SBNO2: variants seen among roughly 807,000 people sequenced by gnomAD.
SBNO2 encodes the protein strawberry notch homolog 2, also known as protein strawberry notch homolog 2.
SBNO2 carries 89 observed loss-of-function variants against 146.3 expected under a neutral mutation model. That is an observed-to-expected ratio of 0.61 (90% confidence interval 0.51 to 0.73). The LOEUF is 0.73. Among genes scored for constraint, SBNO2 ranks in the 30% least tolerant of loss-of-function variants. The pLI is 0.00. For synonymous variants in SBNO2, 1,147 were observed against 892.6 expected (o/e 1.29, Z -5.08); for missense variants, 2,092 against 2,003.7 (o/e 1.04, Z -0.84).
chr19:1,160,113 T>C (rs1436312183), intron 1 of SBNO2, among the ~76,000 whole-genome samples: 2 of 152,142 alleles, frequency 1.3e-5, no homozygotes, highest in Admixed American at 6.5e-5. Context: ...TGGCTGTGGG[T>C]GCTGGTGGGC....
rs568302834 is a variant in SBNO2, at chr19:1,160,812, G to C, written c.-126-6410C>G. Among the ~76,000 whole-genome samples the C allele has an allele frequency of 5.3e-5, 8 of 152,244 alleles. No individual in the cohort carries two copies. The South Asian group carries it at 1.7e-3, about 32-fold the overall frequency. On this transcript the variant is annotated intron_variant, in intron 1 of 31. Transcript: ENST00000361757. ...CCCAAAGTGCTGGAATTACAGGCGTGAGCCACCAGGCCCGGCCCGAATGGA... is the reference window on the plus strand; with the variant it reads ...CCCAAAGTGCTGGAATTACAGGCGTCAGCCACCAGGCCCGGCCCGAATGGA...
At chr19:1,131,477 C>T (rs987154336) in intron 4 of SBNO2, among the ~76,000 whole-genome samples, 9 of 152,172 alleles carry the variant, frequency 5.9e-5, no homozygotes, top group Admixed American at 5.2e-4. Context: ...GCAGACACAG[C>T]TCCTCCTGCC....
chr19:1,109,080 C>T lies in SBNO2; in HGVS notation c.3425+55G>A, dbSNP rs1217729213. The T allele has an allele frequency of 2.0e-6, 3 of 1,538,126 alleles. No homozygotes were observed. Among genetic ancestry groups the T allele is most frequent in the African/African-American group, 1.4e-5 (1 of 72,754 alleles). ...TCAGGGTCTCGGGAGCCCCCGATCCCCGCCTGGGTCGCCGCCATCTGCCGG... is the reference window on the plus strand; with the variant it reads ...TCAGGGTCTCGGGAGCCCCCGATCCTCGCCTGGGTCGCCGCCATCTGCCGG... On this transcript the variant is annotated intron_variant, in intron 30 of 31. Coordinates refer to ENST00000361757, the MANE Select transcript of SBNO2 (RefSeq NM_014963.3). The surrounding 1 kb of genome is among the most constrained non-coding windows in gnomAD (Gnocchi z 4.2).
chr19:1,147,439 GGGGGA>G lies in SBNO2; in HGVS notation c.168-24_168-20del. 2.4e-6 allele frequency: 3 copies of G among 1,265,252 alleles called. No homozygotes were observed. Among genetic ancestry groups the G allele is most frequent in the Non-Finnish European group, 3.3e-6 (3 of 922,468 alleles). The allele number at this position is 1,265,252 out of a possible 1,614,324, so 78.4% of individuals were successfully genotyped here. ...GAACGGGCTGGAGGGAGATGGGGGGGGGGGAGGTGAGATGGGGTGCTCAACCCACT... is the reference window on the plus strand; with the variant it reads ...GAACGGGCTGGAGGGAGATGGGGGGGGGTGAGATGGGGTGCTCAACCCACT... On this transcript the variant is annotated intron_variant, in intron 3 of 31. Coordinates refer to ENST00000361757, the MANE Select transcript of SBNO2 (RefSeq NM_014963.3).
rs751149593 is a variant in SBNO2 at position 1,109,343 on chromosome 19, G to A, written c.3297C>T (p.Gly1099=). The A allele has an allele frequency of 4.0e-5, 64 of 1,593,806 alleles. No individual in the cohort carries two copies. Among genetic ancestry groups the A allele is most frequent in the Admixed American group, 2.8e-4 (16 of 57,546 alleles). The change falls in exon 29 of 32, where the codon GGC becomes GGT. Residue 1099 remains glycine (G), a synonymous_variant. Transcript: ENST00000361757. The surrounding 1 kb of genome is among the most constrained non-coding windows in gnomAD (Gnocchi z 4.2). ...QFFTVYKPNI[G]RQSQLEALDS... ...CCAGGGCCTCCAGCTGGCTCTGCCG[G>A]CCGATGTTGGGCTTGTACACCGTGA...
chr19:1,116,823 A>G lies in SBNO2; in HGVS notation c.1802+6T>C, dbSNP rs1489508707. 1 of 1,583,152 alleles carries G rather than the reference A, an allele frequency of 6.3e-7. No individual in the cohort carries two copies. Among genetic ancestry groups the G allele is most frequent in the African/African-American group, 1.3e-5 (1 of 74,384 alleles). On this transcript the variant is annotated splice_donor_region_variant and intron_variant, in intron 16 of 31. Transcript: ENST00000361757. ...CCCACAGTCCTGTCCCCACCGTGAC[A>G]CTTACTCAGCGGCCGAGACGAAGCA...
rs1196380234 is a variant in SBNO2, at chr19:1,122,556, A to G, written c.917T>C (p.Phe306Ser). The change falls in exon 10 of 32, where the codon TTC (phenylalanine) becomes TCC (serine). Residue 306 changes from phenylalanine to serine, a missense_variant and splice_region_variant. Phe to Ser is a radical substitution (Grantham distance 155). Transcript: ENST00000361757. ...HLRGRKKALW[F>S]SVSNDLKYDA... ...GTACTTGAGGTCGTTGGAGACGCTG[A>G]ACCTGCGGGGTGGGGGCGTCAGGCG... 1 of 1,538,854 alleles carries G rather than the reference A, an allele frequency of 6.5e-7. No individual in the cohort carries two copies. The highest frequency in any genetic ancestry group is 8.8e-7 in the Non-Finnish European group (1 of 1,142,776).
intron 4 of SBNO2, among the ~76,000 whole-genome samples, chr19:1,130,389 G>A (rs1310153966): frequency 1.3e-5 from 2 of 152,184 alleles, no homozygotes; most frequent in Admixed American, 6.5e-5. Flanking sequence ...CTACTCAGGA[G>A]GCTGAGGCAG....
chr19:1,160,085 G>C (rs1389353590), intron 1 of SBNO2, among the ~76,000 whole-genome samples: 1 of 152,136 alleles, frequency 6.6e-6, no homozygotes, highest in Non-Finnish European at 1.5e-5. Flanking sequence ...TTCCACCCCA[G>C]GGGCAGCACC....
At position 1,149,396 on chromosome 19, in the gene SBNO2, G is replaced by A. The variant is rs1440202218; in HGVS notation, c.140C>T (p.Pro47Leu). Reference sequence around the variant, plus strand: ...GCTGTCGCTGGAGAAGGCAGGGTATGGCGGCAGCGAGAAGGTGTTCCAGTA... The same window carrying A: ...GCTGTCGCTGGAGAAGGCAGGGTATAGCGGCAGCGAGAAGGTGTTCCAGTA... ...CPYWNTFSLP[P>L]YPAFSSDSRP... The change falls in exon 3 of 32, where the codon CCA becomes CTA. Residue 47 changes from proline (P) to leucine (L), a missense_variant. Coordinates refer to ENST00000361757, the MANE Select transcript of SBNO2 (RefSeq NM_014963.3). The A allele has an allele frequency of 7.1e-6, 11 of 1,552,414 alleles. No individual in the cohort carries two copies. Among genetic ancestry groups the A allele is most frequent in the African/African-American group, 1.4e-5 (1 of 73,174 alleles).
At chr19:1,159,456 G>T (rs1227183227) in intron 1 of SBNO2, among the ~76,000 whole-genome samples, 1 of 131,228 alleles carries the variant, frequency 7.6e-6, no homozygotes, top group Non-Finnish European at 1.6e-5. Flanking sequence ...GTAGCAAGAG[G>T]GGGTAGCAAG....
At chr19:1,118,017 A>G (rs2079853887) in intron 14 of SBNO2, among the ~76,000 whole-genome samples, 1 of 152,182 alleles carries the variant, frequency 6.6e-6, no homozygotes, top group Admixed American at 6.5e-5. Flanking sequence ...GGGTTACGGG[A>G]GATGCTGGTT....
intron 4 of SBNO2, among the ~76,000 whole-genome samples, chr19:1,128,968 C>CAA (rs55815908): frequency 3.6e-5 from 5 of 140,154 alleles, no homozygotes; most frequent in Non-Finnish European, 3.1e-5. Context: ...GACTCTGTCT[C>CAA]AAAAAAAAAA....
In SBNO2 at chr19:1,109,432, G is replaced by C. The variant is rs1485506170; in HGVS notation, c.3217-9C>G. The C allele has an allele frequency of 9.0e-6, 14 of 1,563,956 alleles. No individual in the cohort carries two copies. The highest frequency in any genetic ancestry group is 1.4e-5 in the African/African-American group (1 of 73,636). ...GGCTTGTTACCGCGGACCTGCGGAG[G>C]GGGGCGTTGAGGCCGCGCCCCGGTC... is the stretch of plus-strand genomic sequence containing the variant. On this transcript the variant is annotated splice_polypyrimidine_tract_variant and intron_variant, in intron 28 of 31. Coordinates refer to ENST00000361757, the MANE Select transcript of SBNO2 (RefSeq NM_014963.3). The surrounding 1 kb of genome is among the most constrained non-coding windows in gnomAD (Gnocchi z 4.2).
At chr19:1,123,396 C>A in intron 7 of SBNO2, 138 bp downstream of exon 7, 1 of 723,662 alleles carries the variant, frequency 1.4e-6, no homozygotes. Context: ...ATTGTAGAAC[C>A]TGTCCCCGGG....
chr19:1,149,274 T>G, intron 3 of SBNO2, 95 bp downstream of exon 3: 1 of 1,165,654 alleles, frequency 8.6e-7, no homozygotes, highest in Admixed American at 2.1e-5. Context: ...AACAAGACTT[T>G]GGGCCCTCGC....
chr19:1,138,343 G>C (rs967074808), intron 4 of SBNO2, among the ~76,000 whole-genome samples: 1 of 151,722 alleles, frequency 6.6e-6, no homozygotes, highest in Non-Finnish European at 1.5e-5. Context: ...GGGGACCCAC[G>C]GGAGGCTCTG....
Position 1,126,557 on chromosome 19 carries a change from C to CTGAGCCGCCCACCG in SBNO2, c.441+1033_441+1046dup, listed in dbSNP as rs2079967767. On this transcript the variant is annotated intron_variant, in intron 5 of 31. Transcript: ENST00000361757. The surrounding 1 kb of genome is among the most constrained non-coding windows in gnomAD (Gnocchi z 4.4). ...TGGCTGCGGGGTGCCCTGATGCTTC[C>CTGAGCCGCCCACCG]TGAGCCGCCCACCGTGAGCCACCCA... Among the ~76,000 whole-genome samples, 1 of 152,008 alleles carries CTGAGCCGCCCACCG rather than the reference C, an allele frequency of 6.6e-6. No individual in the cohort carries two copies. Among genetic ancestry groups the CTGAGCCGCCCACCG allele is most frequent in the Non-Finnish European group, 1.5e-5 (1 of 67,968 alleles).
At chr19:1,127,835 C>T (rs1194717664) in intron 4 of SBNO2, 70 bp from the exon 5 acceptor site, 26 of 1,474,248 alleles carry the variant, frequency 1.8e-5, no homozygotes, top group South Asian at 2.4e-5. Context: ...CACTGGAGCA[C>T]GTGGGGATGG....
Sources: allele counts gnomAD v4.1 joint callset (sites outside exome capture counted in the v4.1 genomes callset), GRCh38; gene constraint gnomAD v4.1.1; non-coding constraint Gnocchi (gnomAD v3.1); transcripts MANE v1.5; gene names NCBI Gene and HGNC (gene_info 2026-07-23, HGNC 2026-07-21).